PRKN: variants seen among roughly 807,000 people sequenced by gnomAD.
PRKN encodes E3 ubiquitin-protein ligase parkin.
A neutral mutation model predicts 59.5 loss-of-function variants in PRKN; 56 were observed. The ratio of observed to expected loss-of-function variants is 0.94; its 90% confidence interval spans 0.76 to 1.18. The LOEUF (loss-of-function observed/expected upper bound fraction) is 1.18. Among genes scored for constraint, PRKN ranks in the 50% most tolerant of loss-of-function variants. The probability of loss-of-function intolerance (pLI) is 0.00; values close to 1 mark genes in which losing one functional copy is unlikely to be tolerated. For missense variants in PRKN, 657 were observed against 596.4 expected (o/e 1.10, Z -1.06); for synonymous variants, 250 against 222.1 (o/e 1.13, Z -1.12).
At position 161,547,990 on chromosome 6, in the gene PRKN, T is replaced by C. The variant is rs1208727591; in HGVS notation, c.1083+864A>G. ...TTTATTTCTAGATGACTTACAGTGC[T>C]CAGCCCCAAATCAAGACTGGCTAAT... On this transcript the variant is annotated intron_variant, in intron 9 of 11. Transcript: ENST00000366898. This position sits in a 1 kb window ranked among gnomAD's most constrained non-coding sequence, Gnocchi z 4.0. Among the ~76,000 whole-genome samples, 1 of 152,230 alleles carries C rather than the reference T, an allele frequency of 6.6e-6. No individual in the cohort carries two copies. Among genetic ancestry groups the C allele is most frequent in the Non-Finnish European group, 1.5e-5 (1 of 68,036 alleles).
chr6:162,705,365 G>A (rs1210836069), intron 1 of PRKN, among the ~76,000 whole-genome samples: 1 of 152,166 alleles, frequency 6.6e-6, no homozygotes, highest in African/African-American at 2.4e-5. Context: ...CTCAGGGCCA[G>A]GCCAAATACT....
At chr6:162,267,609 T>C (rs1780197840) in intron 2 of PRKN, among the ~76,000 whole-genome samples, 2 of 152,144 alleles carry the variant, frequency 1.3e-5, no homozygotes, top group South Asian at 2.1e-4. Context: ...TATAACAATA[T>C]ATTAATCCAA....
intron 3 of PRKN, among the ~76,000 whole-genome samples, chr6:162,228,037 T>C (rs1239717156): frequency 2.0e-5 from 3 of 152,120 alleles, no homozygotes; most frequent in Non-Finnish European, 2.9e-5. Context: ...AGACACAATG[T>C]TTATCGTAGA....
chr6:161,550,738 C>CTGTGTGTGTGTGT lies in PRKN; in HGVS notation c.934-1736_934-1735insACACACACACACA, dbSNP rs1554275154. Among the ~76,000 whole-genome samples, 23 of 146,192 alleles carry CTGTGTGTGTGTGT rather than the reference C, an allele frequency of 1.6e-4. No individual in the cohort carries two copies. Among genetic ancestry groups the CTGTGTGTGTGTGT allele is most frequent in the African/African-American group, 5.4e-4 (21 of 38,626 alleles). ...AAGAAAGGGTATGTGTGTGTGTGCACGTGTGTGTGTGTGTGTGTGTGTGTA... is the reference window on the plus strand; with the variant it reads ...AAGAAAGGGTATGTGTGTGTGTGCACTGTGTGTGTGTGTGTGTGTGTGTGTGTGTGTGTGTGTA... On this transcript the variant is annotated intron_variant, in intron 8 of 11. Coordinates refer to ENST00000366898, the MANE Select transcript of PRKN (RefSeq NM_004562.3). The surrounding 1 kb of genome is among the most constrained non-coding windows in gnomAD (Gnocchi z 4.0).
intron 7 of PRKN, among the ~76,000 whole-genome samples, chr6:161,653,220 T>C (rs916949936): frequency 6.6e-6 from 1 of 151,866 alleles, no homozygotes; most frequent in African/African-American, 2.4e-5. Flanking sequence ...AAAAAATAGC[T>C]GGGCGTGGTG....
At chr6:161,784,701 G>A (rs543627997) in intron 7 of PRKN, among the ~76,000 whole-genome samples, 1 of 152,322 alleles carries the variant, frequency 6.6e-6, no homozygotes, top group South Asian at 2.1e-4. Context: ...TACAGCAGCT[G>A]TGGAACACAG....
In PRKN at chr6:161,545,483, T is replaced by C; in HGVS notation, c.1083+3371A>G. On this transcript the variant is annotated intron_variant, in intron 9 of 11. Coordinates refer to ENST00000366898, the MANE Select transcript of PRKN (RefSeq NM_004562.3). This position sits in a 1 kb window ranked among gnomAD's most constrained non-coding sequence, Gnocchi z 4.1. ...AAGAGATTCACCTTCTTCTAACTTT[T>C]ATGTATTTGGCCATGTTCTACTTCT... 7.3e-7 allele frequency: 1 copy of C among 1,375,058 alleles called. No homozygotes were observed. 85.2% of individuals were successfully genotyped at this position (1,375,058 alleles called of 1,614,324 possible). A position where few individuals can be genotyped will look rare whatever the true frequency, so the allele number is the denominator to read the frequency against.
At chr6:162,526,018 T>C (rs898234864) in intron 1 of PRKN, among the ~76,000 whole-genome samples, 11 of 152,022 alleles carry the variant, frequency 7.2e-5, no homozygotes, top group African/African-American at 2.7e-4. Context: ...AATTTTTATA[T>C]TTCTTGTAAA....
At position 161,733,607 on chromosome 6, in the gene PRKN, C is replaced by T. The variant is rs117334895; in HGVS notation, c.871+52165G>A. ...ACATAATTGCCCAGAATATAAGACTCGAGGTAATTCACTTTGCTTAACTGA... is the reference window on the plus strand; with the variant it reads ...ACATAATTGCCCAGAATATAAGACTTGAGGTAATTCACTTTGCTTAACTGA... On this transcript the variant is annotated intron_variant, in intron 7 of 11. Transcript: ENST00000366898. Among the ~76,000 whole-genome samples the T allele has an allele frequency of 4.1e-3, 626 of 151,722 alleles. 2 individuals carry two copies. Among genetic ancestry groups the T allele is most frequent in the Non-Finnish European group, 6.0e-3 (411 of 67,942 alleles).
At chr6:162,443,229 A>C (rs771606256) in intron 2 of PRKN, 81 bp downstream of exon 2, 6 of 1,411,864 alleles carry the variant, frequency 4.2e-6, no homozygotes, top group Non-Finnish European at 4.0e-6. Flanking sequence ...GATCTCAGGC[A>C]TGAATGTCAG....
chr6:162,563,567 TG>T (rs1423204191), intron 1 of PRKN, among the ~76,000 whole-genome samples: 1 of 152,166 alleles, frequency 6.6e-6, no homozygotes, highest in African/African-American at 2.4e-5. Flanking sequence ...GCCCAGACAG[TG>T]AAGACTAAAA....
Position 161,460,045 on chromosome 6 carries a change from T to G in PRKN, c.1084-73168A>C, listed in dbSNP as rs1418214139. Among the ~76,000 whole-genome samples the G allele has an allele frequency of 6.6e-6, 1 of 152,216 alleles. No homozygotes were observed. Among genetic ancestry groups the G allele is most frequent in the African/African-American group, 2.4e-5 (1 of 41,454 alleles). On this transcript the variant is annotated intron_variant, in intron 9 of 11. Transcript: ENST00000366898. The surrounding 1 kb of genome is among the most constrained non-coding windows in gnomAD (Gnocchi z 5.0). ...ATCCATCCATCCATTCATCCAACCA[T>G]TCAACTTTTAATGTGTCCCCACAGG...
At chr6:161,878,164 C>T (rs535426509) in intron 6 of PRKN, among the ~76,000 whole-genome samples, 3 of 152,094 alleles carry the variant, frequency 2.0e-5, no homozygotes, top group Non-Finnish European at 2.9e-5. Flanking sequence ...CAAAATGAAA[C>T]GTATTTGCTG....
At chr6:162,159,499 C>T (rs1342751844) in intron 4 of PRKN, among the ~76,000 whole-genome samples, 1 of 152,134 alleles carries the variant, frequency 6.6e-6, no homozygotes, top group Non-Finnish European at 1.5e-5. Flanking sequence ...TTACAAGTAT[C>T]TGAAAATTCA....
chr6:161,784,805 T>C (rs549450201), intron 7 of PRKN, among the ~76,000 whole-genome samples: 1 of 152,198 alleles, frequency 6.6e-6, no homozygotes, highest in East Asian at 1.9e-4. Flanking sequence ...AACTTATATA[T>C]GAATGTTTAC....
chr6:162,109,524 C>G (rs1726575623), intron 4 of PRKN, among the ~76,000 whole-genome samples: 2 of 152,100 alleles, frequency 1.3e-5, no homozygotes. Context: ...CTCTTCGGAC[C>G]CTGACCAAGG....
chr6:161,543,477 G>C (rs1779688901), intron 9 of PRKN, among the ~76,000 whole-genome samples: 1 of 152,142 alleles, frequency 6.6e-6, no homozygotes, highest in Admixed American at 6.6e-5. Context: ...GGAGCCCAAG[G>C]TGAATGCCTC....
At chr6:161,843,659 G>A (rs946418311) in intron 6 of PRKN, among the ~76,000 whole-genome samples, 7 of 152,124 alleles carry the variant, frequency 4.6e-5, no homozygotes, top group East Asian at 1.9e-4. Context: ...GCATGGTGGC[G>A]GGCACCTGTA....
At chr6:162,586,006 A>G (rs1008612357) in intron 1 of PRKN, among the ~76,000 whole-genome samples, 1 of 152,090 alleles carries the variant, frequency 6.6e-6, no homozygotes. Flanking sequence ...CGCCCAGCCA[A>G]TTTACATTAT....
Sources: gnomAD v4.1 joint callset for allele counts (sites outside exome capture counted in the v4.1 genomes callset) on GRCh38, gnomAD v4.1.1 for gene constraint, Gnocchi (gnomAD v3.1) non-coding constraint, MANE v1.5 for transcripts, NCBI Gene and HGNC (gene_info 2026-07-23, HGNC 2026-07-21) for gene names.